UGT1A3: variants seen among roughly 807,000 people sequenced by gnomAD.
The protein encoded by UGT1A3 is UDP glucuronosyltransferase family 1 member A3.
A neutral mutation model predicts 41.0 loss-of-function variants in UGT1A3; 31 were observed. The observed-to-expected ratio is 0.76, with a 90% CI of 0.57 to 1.02. The LOEUF (loss-of-function observed/expected upper bound fraction) is 1.02. Ranked by LOEUF, UGT1A3 falls within the 50% of genes least tolerant of loss-of-function variation. UGT1A3 has a pLI of 0.00. For missense variants in UGT1A3, 737 were observed against 671.0 expected (o/e 1.10, Z -1.09); for synonymous variants, 262 against 257.6 (o/e 1.02, Z -0.17).
At chr2:233,767,231 C>A in intron 2 of UGT1A3, 66 bp downstream of exon 2, 1 of 1,609,938 alleles carries the variant, frequency 6.2e-7, no homozygotes, top group Non-Finnish European at 8.5e-7. Flanking sequence ...AGACTTCCAG[C>A]TTCCAGATTA....
In UGT1A3 at chr2:233,743,578, G is replaced by T. The variant is rs1397276736; in HGVS notation, c.867+13585G>T. The T allele has an allele frequency of 3.7e-6, 5 of 1,367,200 alleles. No homozygotes were observed. The Admixed American group carries it at 9.5e-5, about 26-fold the overall frequency. The allele number at this position is 1,367,200 out of a possible 1,614,324, so 84.7% of individuals were successfully genotyped here. On this transcript the variant is annotated intron_variant, in intron 1 of 4. Transcript: ENST00000482026. ...TATTCTCCAGCGGGTTTCCCAAGAGGTCAAAGGAGAATGGGTCCTGGCCGC... is the reference window on the plus strand; with the variant it reads ...TATTCTCCAGCGGGTTTCCCAAGAGTTCAAAGGAGAATGGGTCCTGGCCGC...
chr2:233,734,914 A>G (rs7576166), intron 1 of UGT1A3, among the ~76,000 whole-genome samples: 69,332 of 152,022 alleles, frequency 0.46, 17,225 homozygotes, highest in African/African-American at 0.66. Context: ...TACATTTGCT[A>G]AGGAGTGCTT....
chr2:233,768,267 GT>G lies in UGT1A3; in HGVS notation c.1138del (p.Tyr380MetfsTer11). Reference protein sequence around the residue: ...AFITHAGSHGVYESICNGVPM... With the variant: ...AFITHAGSHGXYESICNGVPM... The stretch of plus-strand genomic sequence containing the variant: ...TATCACCCATGCTGGTTCCCATGGT[GT>G]TTATGAAAGCATATGCAATGGCGTT... On this transcript the variant is annotated frameshift_variant, in exon 4 of 5. Coordinates refer to ENST00000482026, the MANE Select transcript of UGT1A3 (RefSeq NM_019093.4). LOFTEE classifies it high-confidence loss of function. 6.2e-7 allele frequency: 1 copy of G among 1,614,160 alleles called. No homozygotes were observed. The highest frequency in any genetic ancestry group is 8.5e-7 in the Non-Finnish European group (1 of 1,180,032).
rs1215128625 is a variant in UGT1A3, at chr2:233,769,761, G to A, written c.1307+1322G>A. ...TCCCAGCCACTCTGGAGGCTAAGGC[G>A]GGAGGATTGCTTGAGCCCAGAAGTT... is the stretch of plus-strand genomic sequence containing the variant. On this transcript the variant is annotated intron_variant, in intron 4 of 4. Transcript: ENST00000482026. This position sits in a 1 kb window ranked among gnomAD's most constrained non-coding sequence, Gnocchi z 4.4. The A allele has an allele frequency of 1.3e-5, 18 of 1,414,110 alleles. No homozygotes were observed. In the South Asian group the frequency reaches 1.6e-4, roughly 12 times the overall value. The allele number at this position is 1,414,110 out of a possible 1,614,324, so 87.6% of individuals were successfully genotyped here. A position where few individuals can be genotyped will look rare whatever the true frequency, so the allele number is the denominator to read the frequency against.
At chr2:233,739,301 C>A (rs1691042342) in intron 1 of UGT1A3, among the ~76,000 whole-genome samples, 1 of 152,160 alleles carries the variant, frequency 6.6e-6, no homozygotes, top group Non-Finnish European at 1.5e-5. Context: ...TGGGGCACTG[C>A]CTAGTGGAGT....
At chr2:233,762,729 T>G (rs1012866470) in intron 1 of UGT1A3, among the ~76,000 whole-genome samples, 22 of 152,030 alleles carry the variant, frequency 1.4e-4, no homozygotes, top group Non-Finnish European at 3.2e-4. Context: ...TTTTTTTTTT[T>G]GGTCACTACT....
chr2:233,743,914 C>T lies in UGT1A3; in HGVS notation c.867+13921C>T, dbSNP rs201448352. On this transcript the variant is annotated intron_variant, in intron 1 of 4. Coordinates refer to ENST00000482026, the MANE Select transcript of UGT1A3 (RefSeq NM_019093.4). ...CGTCCAGCACCTCGTAGTAGTCCAC[C>T]ATGCTGGATGGCCAGAACGGCCCAC... is the stretch of plus-strand genomic sequence containing the variant. 797 of 1,364,624 alleles carry T rather than the reference C, an allele frequency of 5.8e-4. 20 individuals are homozygous for T. In the African/African-American group the frequency reaches 8.5e-3, roughly 15 times the overall value. The allele number at this position is 1,364,624 out of a possible 1,614,324, so 84.5% of individuals were successfully genotyped here.
intron 1 of UGT1A3, among the ~76,000 whole-genome samples, chr2:233,739,319 A>G (rs1691051030): frequency 3.3e-5 from 5 of 152,150 alleles, no homozygotes; most frequent in Admixed American, 3.3e-4. Flanking sequence ...AGTTGTGAGA[A>G]GAAGGCCACA....
intron 1 of UGT1A3, chr2:233,755,047 C>T (rs1236246701): frequency 7.5e-7 from 1 of 1,329,234 alleles, no homozygotes; most frequent in Non-Finnish European, 1.0e-6. Context: ...GCGCAGCCGC[C>T]CTCCGCCCTC....
Position 233,767,867 on chromosome 2 carries a change from G to A in UGT1A3, c.1018G>A (p.Gly340Arg). ...CTCCCAGGTCCTGTGGCGGTACACTGGAACCCGACCATCGAATCTTGCGAA... is the reference window on the plus strand; with the variant it reads ...CTCCCAGGTCCTGTGGCGGTACACTAGAACCCGACCATCGAATCTTGCGAA... ...IPQTVLWRYT[G>R]TRPSNLANNT... Residue 340 changes from glycine to arginine, a missense_variant, in exon 3 of 5, where the codon GGA (glycine) becomes AGA (arginine). Coordinates refer to ENST00000482026, the MANE Select transcript of UGT1A3 (RefSeq NM_019093.4). The A allele has an allele frequency of 1.2e-6, 2 of 1,614,118 alleles. No individual in the cohort carries two copies. Among genetic ancestry groups the A allele is most frequent in the Non-Finnish European group, 1.7e-6 (2 of 1,180,024 alleles).
In UGT1A3 at chr2:233,743,982, C is replaced by T. The variant is rs6735370; in HGVS notation, c.867+13989C>T. The T allele has an allele frequency of 7.7e-4, 997 of 1,297,112 alleles. 32 individuals carry two copies. The African/African-American group carries it at 0.014, about 18-fold the overall frequency. 80.4% of individuals were successfully genotyped at this position (1,297,112 alleles called of 1,614,324 possible). On this transcript the variant is annotated intron_variant, in intron 1 of 4. Coordinates refer to ENST00000482026, the MANE Select transcript of UGT1A3 (RefSeq NM_019093.4). ...AGCGGCAAGGCTGCCAGCACCCAGG[C>T]GCAGGCCCGAGTGCTCGGAGACCTG...
At chr2:233,759,701 C>T (rs910973902) in intron 1 of UGT1A3, among the ~76,000 whole-genome samples, 5 of 149,762 alleles carry the variant, frequency 3.3e-5, no homozygotes, top group Non-Finnish European at 5.9e-5. Context: ...CACCTCATGG[C>T]GCGTGCTCGT....
chr2:233,735,071 T>C (rs1186471486), intron 1 of UGT1A3, among the ~76,000 whole-genome samples: 1 of 152,214 alleles, frequency 6.6e-6, no homozygotes, highest in Non-Finnish European at 1.5e-5. Flanking sequence ...GATATCCTTG[T>C]TAACCTTTGG....
In UGT1A3 at chr2:233,760,993, G is replaced by C. The variant is rs367668492; in HGVS notation, c.868-6041G>C. ...TTCCCCGTATGCAACCCTTGCCTCA[G>C]AATTCCTTCAGAGAGAGGTGACTGT... On this transcript the variant is annotated intron_variant, in intron 1 of 4. Coordinates refer to ENST00000482026, the MANE Select transcript of UGT1A3 (RefSeq NM_019093.4). The C allele has an allele frequency of 4.5e-5, 73 of 1,614,036 alleles. No homozygotes were observed. Among genetic ancestry groups the C allele is most frequent in the South Asian group, 2.0e-4 (18 of 91,074 alleles).
At position 233,768,309 on chromosome 2, in the gene UGT1A3, C is replaced by T. The variant is rs1286993592; in HGVS notation, c.1177C>T (p.Pro393Ser). 15 of 1,614,122 alleles carry T rather than the reference C, an allele frequency of 9.3e-6. No homozygotes were observed. The highest frequency in any genetic ancestry group is 1.3e-5 in the Non-Finnish European group (15 of 1,180,034). Reference protein sequence around the residue: ...ICNGVPMVMMPLFGDQMDNAK... With the variant: ...ICNGVPMVMMSLFGDQMDNAK... ...CAATGGCGTTCCCATGGTGATGATG[C>T]CCTTGTTTGGTGATCAGATGGACAA... Residue 393 changes from proline to serine, a missense_variant, in exon 4 of 5, where the codon CCC becomes TCC. Physicochemically the swap from Pro to Ser is moderately conservative, Grantham distance 74 (BLOSUM62 -1). Coordinates refer to ENST00000482026, the MANE Select transcript of UGT1A3 (RefSeq NM_019093.4).
intron 1 of UGT1A3, among the ~76,000 whole-genome samples, chr2:233,746,833 TG>T (rs1311657706): frequency 6.6e-6 from 1 of 151,788 alleles, no homozygotes; most frequent in Non-Finnish European, 1.5e-5. Context: ...CTACCACTGT[TG>T]GGGACCTCTC....
intron 1 of UGT1A3, among the ~76,000 whole-genome samples, chr2:233,758,415 C>A (rs917812043): frequency 6.6e-6 from 1 of 152,194 alleles, no homozygotes; most frequent in African/African-American, 2.4e-5. Flanking sequence ...TGTCTATAAT[C>A]TGCAAATGAA....
intron 1 of UGT1A3, chr2:233,755,014 G>A (rs1575730324): frequency 1.5e-6 from 2 of 1,293,190 alleles, no homozygotes; most frequent in Non-Finnish European, 2.1e-6. Context: ...TACTCGAAGG[G>A]GTCCTTGAAG....
chr2:233,769,790 G>A lies in UGT1A3; in HGVS notation c.1307+1351G>A. On this transcript the variant is annotated intron_variant, in intron 4 of 4. Transcript: ENST00000482026. The surrounding 1 kb of genome is among the most constrained non-coding windows in gnomAD (Gnocchi z 4.4). ...GGATTGCTTGAGCCCAGAAGTTGGA[G>A]GCTGCTATGAGCCGTGATCATGCCA... is the stretch of plus-strand genomic sequence containing the variant. 7.7e-7 allele frequency: 1 copy of A among 1,301,106 alleles called. No individual in the cohort carries two copies. Among genetic ancestry groups the A allele is most frequent in the Non-Finnish European group, 1.0e-6 (1 of 985,722 alleles). The allele number at this position is 1,301,106 out of a possible 1,614,324, so 80.6% of individuals were successfully genotyped here. A position where few individuals can be genotyped will look rare whatever the true frequency, so the allele number is the denominator to read the frequency against.
Sources: allele counts gnomAD v4.1 joint callset (sites outside exome capture counted in the v4.1 genomes callset), GRCh38; gene constraint gnomAD v4.1.1; non-coding constraint Gnocchi (gnomAD v3.1); transcripts MANE v1.5; gene names NCBI Gene and HGNC (gene_info 2026-07-23, HGNC 2026-07-21).